Variants in SIVA1 observed in about 807,000 individuals in gnomAD.
SIVA1 encodes apoptosis regulatory protein Siva.
Under a neutral mutation model 19.7 loss-of-function variants are expected in SIVA1, and 10 were observed. The observed-to-expected ratio is 0.51, with a 90% CI of 0.31 to 0.86. The LOEUF (loss-of-function observed/expected upper bound fraction) is 0.86, where lower values mean the gene tolerates loss of function less well. Among genes scored for constraint, SIVA1 ranks in the 40% least tolerant of loss-of-function variants. SIVA1 has a pLI of 0.04. For synonymous variants in SIVA1, 130 were observed against 106.1 expected, an observed-to-expected ratio of 1.23 and a Z score of -1.39; for missense variants, 241 against 245.2, an observed-to-expected ratio of 0.98 and a Z score of 0.11.
In SIVA1 at chr14:104,759,500, G is replaced by A. The variant is rs981256096; in HGVS notation, c.*15G>A. The A allele has an allele frequency of 8.1e-6, 13 of 1,607,344 alleles. No individual in the cohort carries two copies. Among genetic ancestry groups the A allele is most frequent in the Middle Eastern group, 1.6e-4 (1 of 6,080 alleles). On this transcript the variant is annotated 3_prime_UTR_variant, in exon 4 of 4. Transcript: ENST00000329967. The surrounding 1 kb of genome is among the most constrained non-coding windows in gnomAD (Gnocchi z 4.2). ...TCGAGACCTGAGGCTGGCTCAAGCC[G>A]GCTGCCTTCACCGGGAGCCACGCCG...
intron 3 of SIVA1, 57 bp downstream of exon 3, chr14:104,756,817 G>A (rs890425419): frequency 3.9e-6 from 6 of 1,547,344 alleles, no homozygotes; most frequent in South Asian, 2.5e-5. Context: ...AAGCCGTGAT[G>A]GGGGACGGGT....
In SIVA1 at chr14:104,754,780, G is replaced by A. The variant is rs755207664; in HGVS notation, c.119-850G>A. ...CCATTCCTTTCCCCTTATAGATGGG[G>A]GAAGGTGTGGGGGGCCAGGAGGAAG... On this transcript the variant is annotated intron_variant, in intron 1 of 3. Coordinates refer to ENST00000329967, the MANE Select transcript of SIVA1 (RefSeq NM_006427.4). 6.6e-5 allele frequency among the ~76,000 whole-genome samples: 10 copies of A among 152,194 alleles called. 1 individual carries two copies.
At chr14:104,754,042 C>G (rs533787150) in intron 1 of SIVA1, among the ~76,000 whole-genome samples, 4 of 152,114 alleles carry the variant, frequency 2.6e-5, no homozygotes, top group Non-Finnish European at 5.9e-5. Flanking sequence ...CGAAATAGGA[C>G]TCCGTGTGGC....
intron 3 of SIVA1, chr14:104,757,982 A>G (rs1891953773): frequency 6.6e-6 from 1 of 152,304 alleles, no homozygotes; most frequent in African/African-American, 2.4e-5. Context: ...TATCGCAGCT[A>G]CAGCACAGGA....
At chr14:104,758,459 C>A (rs554406420) in intron 3 of SIVA1, 2 of 151,972 alleles carry the variant, frequency 1.3e-5, no homozygotes, top group South Asian at 4.2e-4. Context: ...CTGTGTTTTG[C>A]CGGGTTCCCT....
chr14:104,758,786 A>T (rs1891991697), intron 3 of SIVA1: 1 of 152,258 alleles, frequency 6.6e-6, no homozygotes, highest in Admixed American at 6.5e-5. Flanking sequence ...CGCGTGAGCC[A>T]CCATGCCCGG....
rs534707051 is a variant in SIVA1 at position 104,756,776 on chromosome 14, C to T, written c.470+16C>T. 2.9e-5 allele frequency: 46 copies of T among 1,598,094 alleles called. No homozygotes were observed. Among genetic ancestry groups the T allele is most frequent in the Non-Finnish European group, 3.2e-5 (37 of 1,170,270 alleles). ...GCCTCGTGGAGTAAGTACTTCAGTC[C>T]CTGGAGCTGCTGAGATCCCATAGCC... On this transcript the variant is annotated intron_variant, in intron 3 of 3. Transcript: ENST00000329967.
In SIVA1 at chr14:104,759,276, G is replaced by A; in HGVS notation, c.471-152G>A. 1.7e-6 allele frequency: 1 copy of A among 596,708 alleles called. No individual in the cohort carries two copies. Among genetic ancestry groups the A allele is most frequent in the South Asian group, 2.3e-5 (1 of 43,316 alleles). 37.0% of individuals were successfully genotyped at this position (596,708 alleles called of 1,614,324 possible). ...GCCCCCATGTCAGTGCCGTCATCTAGACTGATGATGCCCGCAGTGATCCTG... is the reference window on the plus strand; with the variant it reads ...GCCCCCATGTCAGTGCCGTCATCTAAACTGATGATGCCCGCAGTGATCCTG... On this transcript the variant is annotated intron_variant, in intron 3 of 3. Transcript: ENST00000329967. This position sits in a 1 kb window ranked among gnomAD's most constrained non-coding sequence, Gnocchi z 4.2.
chr14:104,754,838 C>G (rs1322165134), intron 1 of SIVA1, among the ~76,000 whole-genome samples: 1 of 152,196 alleles, frequency 6.6e-6, no homozygotes, highest in Non-Finnish European at 1.5e-5. Flanking sequence ...ATCAGCTACT[C>G]CATGTGAGTT....
rs759764224 is a variant in SIVA1, at chr14:104,756,561, C to T, written c.314-43C>T. ...GGTAGCCCGGCAGTCCCGGAAACTC[C>T]AGTCTCCTTGCAGCCTGACGGCTTG... On this transcript the variant is annotated intron_variant, in intron 2 of 3. Transcript: ENST00000329967. 2.5e-6 allele frequency: 4 copies of T among 1,612,466 alleles called. No homozygotes were observed. The South Asian group carries it at 3.3e-5, about 13-fold the overall frequency.
At chr14:104,754,460 A>C (rs894595656) in intron 1 of SIVA1, among the ~76,000 whole-genome samples, 4 of 152,218 alleles carry the variant, frequency 2.6e-5, no homozygotes, top group African/African-American at 9.7e-5. Context: ...GGACAGTTGA[A>C]AAATTCAAAC....
At chr14:104,755,945 G>A in intron 2 of SIVA1, 121 bp downstream of exon 2, 1 of 970,060 alleles carries the variant, frequency 1.0e-6, no homozygotes, top group Non-Finnish European at 1.6e-6. Flanking sequence ...CTGACCCAGA[G>A]CTTGGCCTTC....
chr14:104,757,069 C>T (rs1054295261), intron 3 of SIVA1: 4 of 432,000 alleles, frequency 9.3e-6, no homozygotes, highest in Non-Finnish European at 1.7e-5. Context: ...GGTCTTTGAG[C>T]CCCCCCTCCC....
At chr14:104,755,099 C>T (rs981436815) in intron 1 of SIVA1, among the ~76,000 whole-genome samples, 1 of 152,190 alleles carries the variant, frequency 6.6e-6, no homozygotes, top group African/African-American at 2.4e-5. Context: ...GTCTTGCCAG[C>T]AACTCTGTAG....
chr14:104,755,642 G>A lies in SIVA1; in HGVS notation c.131G>A (p.Arg44Gln), dbSNP rs774847442. 7 of 1,612,312 alleles carry A rather than the reference G, an allele frequency of 4.3e-6. No individual in the cohort carries two copies. The highest frequency in any genetic ancestry group is 1.8e-4 in the Middle Eastern group (1 of 5,480). Residue 44 changes from arginine to glutamine, a missense_variant, in exon 2 of 4, where the codon CGA becomes CAA. Arg to Gln is a conservative substitution (Grantham distance 43). Coordinates refer to ENST00000329967, the MANE Select transcript of SIVA1 (RefSeq NM_006427.4). ...TATCTTCCCCCAGAGAAGACCAAGC[G>A]ACTCCTGTTCCTCGGGGCCCAGGCC... ...YSQEVFEKTKRLLFLGAQAYL... is the reference protein window; with the variant it reads ...YSQEVFEKTKQLLFLGAQAYL...
intron 1 of SIVA1, chr14:104,753,653 C>T (rs373008386): frequency 1.1e-5 from 5 of 445,864 alleles, no homozygotes; most frequent in Non-Finnish European, 2.2e-5. Flanking sequence ...AGGACTGTCC[C>T]GTGCAGGATG....
At chr14:104,753,437 G>A in intron 1 of SIVA1, 118 bp downstream of exon 1, 1 of 687,092 alleles carries the variant, frequency 1.5e-6, no homozygotes, top group Non-Finnish European at 2.3e-6. Flanking sequence ...CTGGCCCCGC[G>A]TTCCCGGAAG....
At chr14:104,756,456 G>A (rs375965152) in intron 2 of SIVA1, 148 bp from the exon 3 acceptor site, 32 of 809,416 alleles carry the variant, frequency 4.0e-5, no homozygotes, top group Non-Finnish European at 6.1e-5. Context: ...CCAGGCTCAC[G>A]GGTTGTCAGA....
intron 1 of SIVA1, chr14:104,753,718 C>A: frequency 2.3e-6 from 1 of 436,754 alleles, no homozygotes; most frequent in Non-Finnish European, 4.7e-6. Context: ...CCGAAGAGTG[C>A]CCCTCCTGTC....
Sources: gnomAD v4.1 joint callset for allele counts (sites outside exome capture counted in the v4.1 genomes callset) on GRCh38, gnomAD v4.1.1 for gene constraint, Gnocchi (gnomAD v3.1) non-coding constraint, MANE v1.5 for transcripts, NCBI Gene and HGNC (gene_info 2026-07-23, HGNC 2026-07-21) for gene names.